Variants in PGBD1 observed in about 807,000 individuals in gnomAD.
The protein encoded by PGBD1 is piggyBac transposable element-derived protein 1.
PGBD1 carries 25 observed loss-of-function variants against 34.7 expected under a neutral mutation model. That is an observed-to-expected ratio of 0.72 (90% CI 0.52 to 1.00). The LOEUF is 1.00. Ranked by LOEUF, PGBD1 falls within the 50% of genes least tolerant of loss-of-function variation. The pLI, the probability that PGBD1 is intolerant of heterozygous loss-of-function variation, is 0.00. For synonymous variants in PGBD1, 292 were observed against 335.7 expected, an observed-to-expected ratio of 0.87 and a Z score of 1.42; for missense variants, 830 against 959.4, an observed-to-expected ratio of 0.87 and a Z score of 1.78.
chr6:28,300,463 G>A lies in PGBD1; in HGVS notation c.870-261G>A, dbSNP rs1413309978. 1.3e-5 allele frequency among the ~76,000 whole-genome samples: 2 copies of A among 152,206 alleles called. No homozygotes were observed. Among genetic ancestry groups the A allele is most frequent in the African/African-American group, 2.4e-5 (1 of 41,450 alleles). On this transcript the variant is annotated intron_variant, in intron 6 of 6. Transcript: ENST00000682144. The surrounding 1 kb of genome is among the most constrained non-coding windows in gnomAD (Gnocchi z 4.0). The stretch of plus-strand genomic sequence containing the variant: ...CTGCATCCTGCTCCTAAAGAGGACA[G>A]AGGGAGGAGTGTACCAAGGATACTC...
At position 28,281,656 on chromosome 6, in the gene PGBD1, C is replaced by G. The variant is rs1206967909; in HGVS notation, c.-301C>G. ...CCGGGCTCTGGGGAAACCGGCGCTCCCGACAGGGGAGCACCGGGCCTCTGA... is the reference window on the plus strand; with the variant it reads ...CCGGGCTCTGGGGAAACCGGCGCTCGCGACAGGGGAGCACCGGGCCTCTGA... On this transcript the variant is annotated 5_prime_UTR_variant, in exon 1 of 7. Transcript: ENST00000682144. 2 of 363,126 alleles carry G rather than the reference C, an allele frequency of 5.5e-6. No homozygotes were observed. Among genetic ancestry groups the G allele is most frequent in the Non-Finnish European group, 9.7e-6 (2 of 205,754 alleles). The allele number at this position is 363,126 out of a possible 1,614,324, so 22.5% of individuals were successfully genotyped here. A position where few individuals can be genotyped will look rare whatever the true frequency, so the allele number is the denominator to read the frequency against.
In PGBD1 at chr6:28,283,994, GC is replaced by G. The variant is rs1561884343; in HGVS notation, c.182del (p.Ala61ValfsTer13). ...CCAGGAGGCTCACGGACCCCAGGAA[GC>G]TCTGGCCCAACTCCGAGAACTTTGT... ...CYQEAHGPQEALAQLRELCHQ... is the reference protein window; with the variant it reads ...CYQEAHGPQEXLAQLRELCHQ... On this transcript the variant is annotated frameshift_variant, in exon 2 of 7. Transcript: ENST00000682144. LOFTEE classifies it high-confidence loss of function. 6.2e-7 allele frequency: 1 copy of G among 1,614,084 alleles called. No homozygotes were observed. The highest frequency in any genetic ancestry group is 1.3e-5 in the African/African-American group (1 of 74,924).
At position 28,281,697 on chromosome 6, in the gene PGBD1, T is replaced by A. The variant is rs1762134608; in HGVS notation, c.-260T>A. On this transcript the variant is annotated 5_prime_UTR_variant, in exon 1 of 7. Transcript: ENST00000682144. ...GGGCCTCTGAGCTCCCTCGGGAGCC[T>A]TTCACGAGGTCAGCTACGTCTTTGT... 1 of 325,636 alleles carries A rather than the reference T, an allele frequency of 3.1e-6. No individual in the cohort carries two copies. The highest frequency in any genetic ancestry group is 4.9e-5 in the Admixed American group (1 of 20,502). The allele number at this position is 325,636 out of a possible 1,614,324, so 20.2% of individuals were successfully genotyped here.
At position 28,284,219 on chromosome 6, in the gene PGBD1, G is replaced by A; in HGVS notation, c.396+10G>A. The A allele has an allele frequency of 6.6e-7, 1 of 1,516,436 alleles. No individual in the cohort carries two copies. Among genetic ancestry groups the A allele is most frequent in the Non-Finnish European group, 8.8e-7 (1 of 1,130,274 alleles). 93.9% of individuals were successfully genotyped at this position (1,516,436 alleles called of 1,614,324 possible). A position where few individuals can be genotyped will look rare whatever the true frequency, so the allele number is the denominator to read the frequency against. ...AGACACAGGACAACAGGTGGGAAGA[G>A]AATGTGTGTGGTGATGTGGGAGAAG... is the stretch of plus-strand genomic sequence containing the variant. On this transcript the variant is annotated intron_variant, in intron 2 of 6. Coordinates refer to ENST00000682144, the MANE Select transcript of PGBD1 (RefSeq NM_032507.4).
At chr6:28,287,274 T>G (rs975858397) in intron 4 of PGBD1, 106 bp downstream of exon 4, 2 of 922,570 alleles carry the variant, frequency 2.2e-6, no homozygotes, top group Non-Finnish European at 3.5e-6. Flanking sequence ...TGAGAGCCAT[T>G]CAGGTGGCAT....
Position 28,301,650 on chromosome 6 carries a change from A to T in PGBD1, c.1796A>T (p.Asp599Val), listed in dbSNP as rs1762845084. 5.6e-6 allele frequency: 9 copies of T among 1,614,150 alleles called. No individual in the cohort carries two copies. Among genetic ancestry groups the T allele is most frequent in the Non-Finnish European group, 6.8e-6 (8 of 1,180,022 alleles). The change falls in exon 7 of 7, where the codon GAT becomes GTT. Residue 599 changes from aspartate (D) to valine (V), a missense_variant. Physicochemically the swap from Asp to Val is radical, Grantham distance 152. Transcript: ENST00000682144. ...ACTATGAAGGTAGATGAGGATCCTGATCTTGGGTTAGGTGGAAATCTAGTG... is the reference window on the plus strand; with the variant it reads ...ACTATGAAGGTAGATGAGGATCCTGTTCTTGGGTTAGGTGGAAATCTAGTG... ...ESTMKVDEDPDLGLGGNLVMN... is the reference protein window; with the variant it reads ...ESTMKVDEDPVLGLGGNLVMN...
chr6:28,297,823 T>G (rs1232960626), intron 5 of PGBD1, 72 bp from the exon 6 acceptor site: 4 of 180,712 alleles, frequency 2.2e-5, no homozygotes, highest in Non-Finnish European at 4.1e-5. Flanking sequence ...GAAGTTTTTT[T>G]TTTTTTTTTT....
chr6:28,294,580 A>G (rs1235315698), intron 4 of PGBD1, among the ~76,000 whole-genome samples: 4 of 152,176 alleles, frequency 2.6e-5, no homozygotes, highest in Admixed American at 6.5e-5. Context: ...GTGCTCATTT[A>G]TCATTCTGAA....
chr6:28,297,594 C>G (rs1762684578), intron 5 of PGBD1, among the ~76,000 whole-genome samples: 1 of 151,390 alleles, frequency 6.6e-6, no homozygotes, highest in African/African-American at 2.4e-5. Flanking sequence ...CTGAAGCAGT[C>G]CTTCCACCTT....
intron 4 of PGBD1, among the ~76,000 whole-genome samples, chr6:28,295,989 TC>T (rs1354406489): frequency 6.6e-6 from 1 of 152,222 alleles, no homozygotes; most frequent in African/African-American, 2.4e-5. Context: ...TGGCACTGTG[TC>T]CTTTTTCAGG....
chr6:28,300,707 C>CTTTT lies in PGBD1; in HGVS notation c.870-13_870-10dup. 1 of 1,570,126 alleles carries CTTTT rather than the reference C, an allele frequency of 6.4e-7. No homozygotes were observed. On this transcript the variant is annotated splice_polypyrimidine_tract_variant and intron_variant, in intron 6 of 6. Transcript: ENST00000682144. The surrounding 1 kb of genome is among the most constrained non-coding windows in gnomAD (Gnocchi z 4.0). ...TGATTGAGGATTTTTATAACATGTTCTTTTTTTCTTTCCCAGAGAGTGTGC... is the reference window on the plus strand; with the variant it reads ...TGATTGAGGATTTTTATAACATGTTCTTTTTTTTTTTCTTTCCCAGAGAGTGTGC...
chr6:28,284,235 G>A (rs761094594), intron 2 of PGBD1, 26 bp downstream of exon 2: 1 of 1,465,080 alleles, frequency 6.8e-7, no homozygotes, highest in Non-Finnish European at 9.0e-7. Flanking sequence ...GTGTGGTGAT[G>A]TGGGAGAAGA....
In PGBD1 at chr6:28,281,639, T is replaced by A. The variant is rs983329954; in HGVS notation, c.-318T>A. The A allele has an allele frequency of 2.7e-6, 1 of 368,950 alleles. No homozygotes were observed. Among genetic ancestry groups the A allele is most frequent in the Admixed American group, 4.7e-5 (1 of 21,466 alleles). The allele number at this position is 368,950 out of a possible 1,614,324, so 22.9% of individuals were successfully genotyped here. A position where few individuals can be genotyped will look rare whatever the true frequency, so the allele number is the denominator to read the frequency against. Reference sequence around the variant, plus strand: ...CCCGCCAGCCCAGCGGCCCGGGCTCTGGGGAAACCGGCGCTCCCGACAGGG... The same window carrying A: ...CCCGCCAGCCCAGCGGCCCGGGCTCAGGGGAAACCGGCGCTCCCGACAGGG... On this transcript the variant is annotated 5_prime_UTR_variant, in exon 1 of 7. Transcript: ENST00000682144.
intron 4 of PGBD1, 37 bp from the exon 5 acceptor site, chr6:28,296,779 A>G: frequency 6.2e-7 from 1 of 1,611,638 alleles, no homozygotes; most frequent in South Asian, 1.1e-5. Flanking sequence ...TTACCATGTG[A>G]AAACAAAGAG....
At chr6:28,292,472 T>A (rs1233660) in intron 4 of PGBD1, among the ~76,000 whole-genome samples, 76,757 of 151,834 alleles carry the variant, frequency 0.51, 23,810 homozygotes, top group African/African-American at 0.87. Context: ...TAGCATTTAA[T>A]TACTAAAGAA....
intron 1 of PGBD1, among the ~76,000 whole-genome samples, chr6:28,283,543 C>T (rs1762190633): frequency 6.6e-6 from 1 of 152,224 alleles, no homozygotes; most frequent in Non-Finnish European, 1.5e-5. Context: ...TTATTGCTAA[C>T]ACTTCTTCCC....
chr6:28,289,441 T>C (rs1221612613), intron 4 of PGBD1, among the ~76,000 whole-genome samples: 10 of 152,172 alleles, frequency 6.6e-5, no homozygotes, highest in Non-Finnish European at 1.5e-4. Flanking sequence ...GCTAAAGAAT[T>C]CTTCAGTCTA....
chr6:28,284,662 A>G lies in PGBD1; in HGVS notation c.396+453A>G, dbSNP rs955923891. ...CCTGAGTAGATGGGACTACAGGTGC[A>G]TGCCACCATGCCTGGCTAATTTATT... On this transcript the variant is annotated intron_variant, in intron 2 of 6. Transcript: ENST00000682144. Among the ~76,000 whole-genome samples the G allele has an allele frequency of 3.3e-5, 5 of 152,280 alleles. No homozygotes were observed. In the Middle Eastern group the frequency reaches 0.01, roughly 311 times the overall value.
In PGBD1 at chr6:28,300,818, T is replaced by G. The variant is rs1762806122; in HGVS notation, c.964T>G (p.Leu322Val). 6.2e-7 allele frequency: 1 copy of G among 1,613,948 alleles called. No individual in the cohort carries two copies. The highest frequency in any genetic ancestry group is 8.5e-7 in the Non-Finnish European group (1 of 1,180,020). Residue 322 changes from leucine (L) to valine (V), a missense_variant, in exon 7 of 7, where the codon TTG becomes GTG. Leu to Val is a conservative substitution (Grantham distance 32). Transcript: ENST00000682144. The surrounding 1 kb of genome is among the most constrained non-coding windows in gnomAD (Gnocchi z 4.0). ...TCTGAAGGACCGTCACCCAGGTGAT[T>G]TGTGGGCCCGCATGCACATCTCATC... ...NTLKDRHPGD[L>V]WARMHISSLE...
Sources: gnomAD v4.1 joint callset for allele counts (sites outside exome capture counted in the v4.1 genomes callset) on GRCh38, gnomAD v4.1.1 for gene constraint, Gnocchi (gnomAD v3.1) non-coding constraint, MANE v1.5 for transcripts, NCBI Gene and HGNC (gene_info 2026-07-23, HGNC 2026-07-21) for gene names.